The following NR1H4 variants were observed in gnomAD, a reference collection of about 807,000 sequenced individuals.
NR1H4 encodes nuclear receptor subfamily 1 group H member 4.
NR1H4 carries 23 observed loss-of-function variants against 58.5 expected under a neutral mutation model. That is an observed-to-expected ratio of 0.39 (90% confidence interval 0.28 to 0.56). The LOEUF (loss-of-function observed/expected upper bound fraction) is 0.56, where lower values mean the gene tolerates loss of function less well. Ranked by LOEUF, NR1H4 falls within the 20% of genes least tolerant of loss-of-function variation. NR1H4 has a pLI of 0.58. For missense variants in NR1H4, 487 were observed against 576.9 expected (o/e 0.84, Z 1.60); for synonymous variants, 214 against 198.0 (o/e 1.08, Z -0.68).
intron 3 of NR1H4, among the ~76,000 whole-genome samples, chr12:100,502,754 G>A (rs1953863606): frequency 6.6e-6 from 1 of 152,126 alleles, no homozygotes; most frequent in South Asian, 2.1e-4. Flanking sequence ...TACAAAAAAG[G>A]CTTTGTGCTA....
At chr12:100,500,188 A>G (rs17774723) in intron 3 of NR1H4, among the ~76,000 whole-genome samples, 4,080 of 152,306 alleles carry the variant, frequency 0.027, 66 homozygotes, top group Middle Eastern at 0.044. Context: ...GAATACTTCT[A>G]TTAACCTTGT....
At position 100,501,579 on chromosome 12, in the gene NR1H4, G is replaced by C. The variant is rs537296473; in HGVS notation, c.79+8177G>C. Among the ~76,000 whole-genome samples the C allele has an allele frequency of 1.9e-4, 29 of 152,280 alleles. 1 individual carries two copies. Among genetic ancestry groups the C allele is most frequent in the Admixed American group, 1.6e-3 (24 of 15,304 alleles). On this transcript the variant is annotated intron_variant, in intron 3 of 10. Transcript: ENST00000392986. ...GAGTTTAAAAATAGGCTTAAAGATA[G>C]TGGAAGTTAGAAATAATACCTCCCT...
At chr12:100,514,193 A>G (rs1022259131) in intron 4 of NR1H4, among the ~76,000 whole-genome samples, 1 of 152,198 alleles carries the variant, frequency 6.6e-6, no homozygotes, top group African/African-American at 2.4e-5. Context: ...CAGGAATTCA[A>G]AAAGAGGTTA....
chr12:100,520,535 C>T (rs1954388046), intron 4 of NR1H4, among the ~76,000 whole-genome samples: 2 of 152,162 alleles, frequency 1.3e-5, no homozygotes, highest in Admixed American at 6.6e-5. Flanking sequence ...ACCACCTCAG[C>T]TGCCATCTAG....
intron 9 of NR1H4, among the ~76,000 whole-genome samples, chr12:100,555,199 G>A (rs1955294742): frequency 6.6e-6 from 1 of 152,158 alleles, no homozygotes; most frequent in African/African-American, 2.4e-5. Context: ...CAAATCAGCT[G>A]TCTTGAATAT....
At chr12:100,510,626 T>C (rs1954084245) in intron 3 of NR1H4, 152 bp from the exon 4 acceptor site, 1 of 319,204 alleles carries the variant, frequency 3.1e-6, no homozygotes, top group South Asian at 4.0e-5. Flanking sequence ...TATATATATA[T>C]ATATATATAC....
chr12:100,547,815 G>C (rs1018638796), intron 9 of NR1H4, among the ~76,000 whole-genome samples: 3 of 151,696 alleles, frequency 2.0e-5, no homozygotes, highest in African/African-American at 7.3e-5. Context: ...CCGCCTCCTG[G>C]GTTCAAGCGA....
rs78818440 is a variant in NR1H4 at position 100,505,101 on chromosome 12, C to CA, written c.80-5666dup. Among the ~76,000 whole-genome samples the CA allele has an allele frequency of 9.6e-4, 135 of 140,714 alleles. 3 individuals carry two copies. Among genetic ancestry groups the CA allele is most frequent in the Middle Eastern group, 3.8e-3 (1 of 264 alleles). 92.3% of individuals were successfully genotyped at this position (140,714 alleles called of 152,430 possible). A position where few individuals can be genotyped will look rare whatever the true frequency, so the allele number is the denominator to read the frequency against. ...CCATGGATTAAGAAATAAAGGAAGG[C>CA]AAAAAAAAAAAGTGACTTTTCTAGG... On this transcript the variant is annotated intron_variant, in intron 3 of 10. Coordinates refer to ENST00000392986, the MANE Select transcript of NR1H4 (RefSeq NM_001206979.2).
At chr12:100,557,938 T>A (rs1955367628) in intron 9 of NR1H4, among the ~76,000 whole-genome samples, 1 of 152,022 alleles carries the variant, frequency 6.6e-6, no homozygotes, top group South Asian at 2.1e-4. Flanking sequence ...ACATCACAGG[T>A]TTTTGTGTTG....
intron 9 of NR1H4, among the ~76,000 whole-genome samples, chr12:100,549,778 C>T (rs1955163929): frequency 6.6e-6 from 1 of 152,148 alleles, no homozygotes; most frequent in African/African-American, 2.4e-5. Context: ...AACTCACATG[C>T]TGCTGCATAT....
At chr12:100,485,645 G>A (rs367873919) in intron 1 of NR1H4, among the ~76,000 whole-genome samples, 1 of 152,110 alleles carries the variant, frequency 6.6e-6, no homozygotes, top group South Asian at 2.1e-4. Context: ...TGATTCTCCT[G>A]CCTCAGCCTC....
chr12:100,533,753 G>A (rs925456465), intron 5 of NR1H4, among the ~76,000 whole-genome samples: 3 of 152,104 alleles, frequency 2.0e-5, no homozygotes, highest in Admixed American at 2.0e-4. Context: ...TAACAGATGC[G>A]GATATTTCAT....
intron 1 of NR1H4, among the ~76,000 whole-genome samples, chr12:100,492,010 G>T (rs1407469273): frequency 1.3e-5 from 2 of 152,048 alleles, no homozygotes; most frequent in Non-Finnish European, 2.9e-5. Context: ...ATGTATTTGG[G>T]TGATTATTTA....
chr12:100,510,259 A>G (rs1954072444), intron 3 of NR1H4, among the ~76,000 whole-genome samples: 1 of 152,206 alleles, frequency 6.6e-6, no homozygotes, highest in Non-Finnish European at 1.5e-5. Flanking sequence ...GGTGAAAAGG[A>G]CATTGAAGTT....
intron 5 of NR1H4, among the ~76,000 whole-genome samples, chr12:100,533,609 CACTT>C (rs1216820412): frequency 6.6e-6 from 1 of 152,176 alleles, no homozygotes; most frequent in African/African-American, 2.4e-5. Flanking sequence ...GCAATGGAAA[CACTT>C]ACTCTGACAC....
chr12:100,546,211 G>C (rs1221540427), intron 9 of NR1H4, among the ~76,000 whole-genome samples: 1 of 152,070 alleles, frequency 6.6e-6, no homozygotes, highest in Non-Finnish European at 1.5e-5. Flanking sequence ...CTAACATTTT[G>C]CTTCACGAAA....
At chr12:100,513,832 G>A (rs1486108930) in intron 4 of NR1H4, among the ~76,000 whole-genome samples, 1 of 141,772 alleles carries the variant, frequency 7.1e-6, no homozygotes, top group Non-Finnish European at 1.5e-5. Flanking sequence ...AAGGAAGGAA[G>A]GAAGGAAGGA....
At chr12:100,532,342 C>T in intron 4 of NR1H4, 116 bp from the exon 5 acceptor site, 1 of 910,804 alleles carries the variant, frequency 1.1e-6, no homozygotes, top group South Asian at 1.4e-5. Context: ...CAAGGATGGC[C>T]TGGGTGCTCT....
chr12:100,496,581 G>A (rs1203636546), intron 3 of NR1H4, among the ~76,000 whole-genome samples: 1 of 152,186 alleles, frequency 6.6e-6, no homozygotes, highest in African/African-American at 2.4e-5. Flanking sequence ...GGTAAAAGTA[G>A]ATTATCAGGC....
Sources: gnomAD v4.1 joint callset for allele counts (sites outside exome capture counted in the v4.1 genomes callset) on GRCh38, gnomAD v4.1.1 for gene constraint, MANE v1.5 for transcripts, NCBI Gene and HGNC (gene_info 2026-07-23, HGNC 2026-07-21) for gene names.